Variants in EPHA7 observed in about 807,000 individuals in gnomAD.
EPHA7 encodes the protein ephrin type-A receptor 7.
A neutral mutation model predicts 112.6 loss-of-function variants in EPHA7; 25 were observed. That is an observed-to-expected ratio of 0.22 (90% CI 0.16 to 0.31). The LOEUF is 0.31. EPHA7 is among the 10% of genes least tolerant of loss of function. The pLI, the probability that EPHA7 is intolerant of heterozygous loss-of-function variation, is 1.00. For synonymous variants in EPHA7, 437 were observed against 406.5 expected, an observed-to-expected ratio of 1.07 and a Z score of -0.90; for missense variants, 962 against 1,212.6, an observed-to-expected ratio of 0.79 and a Z score of 3.07.
At chr6:93,363,906 A>C (rs79081269) in intron 3 of EPHA7, among the ~76,000 whole-genome samples, 7,028 of 152,282 alleles carry the variant, frequency 0.046, 198 homozygotes, top group African/African-American at 0.065. Flanking sequence ...AACATGGATG[A>C]ATCTTTAAAA....
At chr6:93,245,477 G>A (rs768600630) in intron 15 of EPHA7, 24 bp from the exon 16 acceptor site, 9 of 1,599,400 alleles carry the variant, frequency 5.6e-6, no homozygotes, top group Non-Finnish European at 6.8e-6. Flanking sequence ...AAACAGAAAA[G>A]CGAACATTAT....
Position 93,243,345 on chromosome 6 carries a change from T to C in EPHA7, c.*81A>G. The C allele has an allele frequency of 1.9e-6, 2 of 1,039,314 alleles. No homozygotes were observed. The highest frequency in any genetic ancestry group is 2.4e-5 in the East Asian group (1 of 40,936). The allele number at this position is 1,039,314 out of a possible 1,614,324, so 64.4% of individuals were successfully genotyped here. On this transcript the variant is annotated 3_prime_UTR_variant, in exon 17 of 17. Transcript: ENST00000369303. The stretch of plus-strand genomic sequence containing the variant: ...AGGACCCAGGACATCACTTGTCTTC[T>C]AGCAGCATTCTATGCATATACTGAA...
Position 93,264,638 on chromosome 6 carries a change from G to A in EPHA7, c.1698C>T (p.Thr566=). Residue 566 remains threonine (T), a synonymous_variant, in exon 8 of 17, where the codon ACC becomes ACT. Transcript: ENST00000369303. ...IIIAVVAVAG[T]IILVFMVFGF... ...CAAAGACCATGAACACCAAAATGAT[G>A]GTCCCAGCTACAGCAACCACAGCAA... 6.2e-7 allele frequency: 1 copy of A among 1,607,664 alleles called. No homozygotes were observed. Among genetic ancestry groups the A allele is most frequent in the East Asian group, 2.2e-5 (1 of 44,572 alleles).
intron 5 of EPHA7, among the ~76,000 whole-genome samples, chr6:93,319,483 T>A (rs545542399): frequency 5.9e-5 from 9 of 152,222 alleles, no homozygotes; most frequent in African/African-American, 1.9e-4. Flanking sequence ...TGGTAAGAGC[T>A]GAGACCACAG....
intron 3 of EPHA7, among the ~76,000 whole-genome samples, chr6:93,378,421 G>A (rs1445029284): frequency 6.6e-6 from 1 of 152,110 alleles, no homozygotes; most frequent in Non-Finnish European, 1.5e-5. Context: ...CGGTGGTAAT[G>A]CAAGATGACA....
chr6:93,363,025 T>A (rs539925592), intron 3 of EPHA7, among the ~76,000 whole-genome samples: 4 of 152,106 alleles, frequency 2.6e-5, no homozygotes, highest in African/African-American at 9.7e-5. Flanking sequence ...GCACCAACTT[T>A]TATCTCAGAC....
At chr6:93,393,156 C>T (rs1777993424) in intron 3 of EPHA7, among the ~76,000 whole-genome samples, 1 of 151,774 alleles carries the variant, frequency 6.6e-6, no homozygotes, top group Admixed American at 6.6e-5. Flanking sequence ...CCTGTTTTAA[C>T]AAATTACAAT....
At chr6:93,333,610 AT>A (rs1774711477) in intron 5 of EPHA7, among the ~76,000 whole-genome samples, 1 of 151,818 alleles carries the variant, frequency 6.6e-6, no homozygotes, top group Non-Finnish European at 1.5e-5. Context: ...TCTGATTTGC[AT>A]TTCTTTAATG....
At chr6:93,331,709 A>G (rs1774601934) in intron 5 of EPHA7, among the ~76,000 whole-genome samples, 1 of 151,612 alleles carries the variant, frequency 6.6e-6, no homozygotes, top group African/African-American at 2.4e-5. Flanking sequence ...TAACTTCCCC[A>G]TGTAATTTGT....
Position 93,369,548 on chromosome 6 carries a change from A to G in EPHA7, c.833-11137T>C, listed in dbSNP as rs374697517. Among the ~76,000 whole-genome samples, 146 of 152,292 alleles carry G rather than the reference A, an allele frequency of 9.6e-4. 1 individual carries two copies. Among genetic ancestry groups the G allele is most frequent in the African/African-American group, 3.3e-3 (137 of 41,570 alleles). On this transcript the variant is annotated intron_variant, in intron 3 of 16. Transcript: ENST00000369303. ...GAGCAACATCCATTCTTCATGAATC[A>G]GTTAAACGCTTTGCCTCCTCCATCT... is the stretch of plus-strand genomic sequence containing the variant.
At chr6:93,406,740 T>C (rs1460478569) in intron 3 of EPHA7, among the ~76,000 whole-genome samples, 1 of 151,898 alleles carries the variant, frequency 6.6e-6, no homozygotes, top group Non-Finnish European at 1.5e-5. Context: ...ATCCACACTT[T>C]GACAAGCACT....
At chr6:93,322,045 A>G (rs1774098832) in intron 5 of EPHA7, among the ~76,000 whole-genome samples, 1 of 151,788 alleles carries the variant, frequency 6.6e-6, no homozygotes, top group African/African-American at 2.4e-5. Context: ...TTAATGAATG[A>G]ATAATGAATG....
In EPHA7 at chr6:93,243,396, G is replaced by A. The variant is rs1410908220; in HGVS notation, c.*30C>T. On this transcript the variant is annotated 3_prime_UTR_variant, in exon 17 of 17. Coordinates refer to ENST00000369303, the MANE Select transcript of EPHA7 (RefSeq NM_004440.4). ...GGCCAGTACTGTTCTCTTGCAGTCT[G>A]TAATCTCCCTTAAAAGGGAGAAATG... is the stretch of plus-strand genomic sequence containing the variant. 6.6e-7 allele frequency: 1 copy of A among 1,523,692 alleles called. No homozygotes were observed. The highest frequency in any genetic ancestry group is 2.3e-5 in the East Asian group (1 of 44,352). The allele number at this position is 1,523,692 out of a possible 1,614,324, so 94.4% of individuals were successfully genotyped here. A position where few individuals can be genotyped will look rare whatever the true frequency, so the allele number is the denominator to read the frequency against.
At chr6:93,290,193 A>T (rs906210222) in intron 5 of EPHA7, among the ~76,000 whole-genome samples, 1 of 152,048 alleles carries the variant, frequency 6.6e-6, no homozygotes, top group Admixed American at 6.6e-5. Context: ...AGCAATTTTG[A>T]CTATATATAG....
chr6:93,259,554 T>C (rs1380926095), intron 9 of EPHA7, 75 bp from the exon 10 acceptor site: 6 of 1,558,622 alleles, frequency 3.8e-6, no homozygotes, highest in Non-Finnish European at 5.3e-6. Flanking sequence ...AATTTCATTA[T>C]GCAGAGTGCT....
At chr6:93,376,111 A>T (rs1194884710) in intron 3 of EPHA7, among the ~76,000 whole-genome samples, 1 of 152,090 alleles carries the variant, frequency 6.6e-6, no homozygotes, top group Non-Finnish European at 1.5e-5. Flanking sequence ...ACCAGTAATT[A>T]TCAGGGGACA....
chr6:93,378,885 T>C (rs1777192209), intron 3 of EPHA7, among the ~76,000 whole-genome samples: 1 of 152,142 alleles, frequency 6.6e-6, no homozygotes, highest in South Asian at 2.1e-4. Context: ...TCTGTCAAAG[T>C]CTTGTGTTAT....
At chr6:93,315,021 C>T (rs574747842) in intron 5 of EPHA7, among the ~76,000 whole-genome samples, 1 of 149,648 alleles carries the variant, frequency 6.7e-6, no homozygotes, top group Non-Finnish European at 1.5e-5. Context: ...CGCCACCACG[C>T]CCGGCTAATT....
At chr6:93,305,552 A>G (rs1372873482) in intron 5 of EPHA7, among the ~76,000 whole-genome samples, 4 of 152,068 alleles carry the variant, frequency 2.6e-5, no homozygotes, top group African/African-American at 9.6e-5. Flanking sequence ...CAAAATACAT[A>G]CAATTAAAGT....
Sources: gnomAD v4.1 joint callset for allele counts (sites outside exome capture counted in the v4.1 genomes callset) on GRCh38, gnomAD v4.1.1 for gene constraint, MANE v1.5 for transcripts, NCBI Gene and HGNC (gene_info 2026-07-23, HGNC 2026-07-21) for gene names.